The following ST7L variants were observed in gnomAD, a reference collection of about 807,000 sequenced individuals.
ST7L encodes suppression of tumorigenicity 7 like.
A neutral mutation model predicts 72.5 loss-of-function variants in ST7L; 57 were observed. That is an observed-to-expected ratio of 0.79 (90% CI 0.64 to 0.98). The LOEUF is 0.98. Among genes scored for constraint, ST7L ranks in the 50% least tolerant of loss-of-function variants. ST7L has a pLI of 0.00. For synonymous variants in ST7L, 221 were observed against 240.9 expected (o/e 0.92, Z 0.77); for missense variants, 576 against 672.2 (o/e 0.86, Z 1.58).
intron 13 of ST7L, among the ~76,000 whole-genome samples, chr1:112,547,215 C>T (rs549858334): frequency 7.1e-6 from 1 of 141,792 alleles, no homozygotes; most frequent in Non-Finnish European, 1.5e-5. Context: ...TTTTTTGAGA[C>T]AGAGTCTTGC....
intron 10 of ST7L, 78 bp downstream of exon 10, chr1:112,578,267 G>C: frequency 7.5e-7 from 1 of 1,342,102 alleles, no homozygotes; most frequent in South Asian, 1.2e-5. Flanking sequence ...AAACAGCATT[G>C]TTTAAAGTCA....
At chr1:112,614,277 T>A (rs1295093705) in intron 2 of ST7L, among the ~76,000 whole-genome samples, 1 of 151,944 alleles carries the variant, frequency 6.6e-6, no homozygotes, top group Non-Finnish European at 1.5e-5. Flanking sequence ...AGAGACAGGG[T>A]CTTGTTGTTG....
chr1:112,595,662 T>C (rs1278690644), intron 5 of ST7L, among the ~76,000 whole-genome samples: 1 of 152,106 alleles, frequency 6.6e-6, no homozygotes, highest in Non-Finnish European at 1.5e-5. Flanking sequence ...CATGGGATGC[T>C]CCTACCTTGG....
chr1:112,554,972 A>T (rs1323361673), intron 12 of ST7L, among the ~76,000 whole-genome samples: 3 of 152,214 alleles, frequency 2.0e-5, no homozygotes, highest in Admixed American at 2.0e-4. Flanking sequence ...GCCAAGGGCT[A>T]GAGGGAGGCA....
chr1:112,541,639 G>C (rs1656115622), intron 14 of ST7L, among the ~76,000 whole-genome samples: 2 of 152,084 alleles, frequency 1.3e-5, no homozygotes, highest in African/African-American at 2.4e-5. Context: ...TTACAAAATA[G>C]GGTATTTTTA....
At position 112,598,134 on chromosome 1, in the gene ST7L, C is replaced by T. The variant is rs756960157; in HGVS notation, c.507-48G>A. The T allele has an allele frequency of 6.6e-6, 9 of 1,364,382 alleles. No homozygotes were observed. The East Asian group carries it at 1.9e-4, about 29-fold the overall frequency. 84.5% of individuals were successfully genotyped at this position (1,364,382 alleles called of 1,614,324 possible). A position where few individuals can be genotyped will look rare whatever the true frequency, so the allele number is the denominator to read the frequency against. On this transcript the variant is annotated intron_variant, in intron 4 of 14. Transcript: ENST00000358039. ...ATTTAAATTGAACATGAGAGAGCAT[C>T]TATCTGCTATAACAGACACTACTTA...
chr1:112,525,223 G>T lies in ST7L; in HGVS notation c.*790C>A, dbSNP rs1233904605. The stretch of plus-strand genomic sequence containing the variant: ...TGTGGTTGTTTTTAACTCTTAACTG[G>T]GTTAGAAAACTGGAGAGCTTTGGAT... On this transcript the variant is annotated 3_prime_UTR_variant, in exon 15 of 15. Transcript: ENST00000358039. 1 of 152,214 alleles carries T rather than the reference G, an allele frequency of 6.6e-6. No homozygotes were observed. The highest frequency in any genetic ancestry group is 1.5e-5 in the Non-Finnish European group (1 of 68,054). The allele number at this position is 152,214 out of a possible 1,614,324, so 9.4% of individuals were successfully genotyped here. A position where few individuals can be genotyped will look rare whatever the true frequency, so the allele number is the denominator to read the frequency against.
At chr1:112,573,495 C>T (rs1662516338) in intron 11 of ST7L, among the ~76,000 whole-genome samples, 1 of 151,156 alleles carries the variant, frequency 6.6e-6, no homozygotes, top group Non-Finnish European at 1.5e-5. Context: ...AAAAATACAA[C>T]TTAACAAAAA....
rs33915951 is a variant in ST7L, at chr1:112,566,294, C to CTTT, written c.1246-10277_1246-10276insAAA. ...TTTTCTTTTATTTCTTTTTCTTCTT[C>CTTT]TTCTTTTTTTTTTTTTTTTTTGAGA... is the stretch of plus-strand genomic sequence containing the variant. On this transcript the variant is annotated intron_variant, in intron 11 of 14. Transcript: ENST00000358039. Among the ~76,000 whole-genome samples, 763 of 108,854 alleles carry CTTT rather than the reference C, an allele frequency of 7.0e-3. 23 individuals carry two copies. Among genetic ancestry groups the CTTT allele is most frequent in the African/African-American group, 0.011 (254 of 24,034 alleles). The allele number at this position is 108,854 out of a possible 152,430, so 71.4% of individuals were successfully genotyped here. A position where few individuals can be genotyped will look rare whatever the true frequency, so the allele number is the denominator to read the frequency against.
At chr1:112,553,499 A>C (rs946599096) in intron 12 of ST7L, among the ~76,000 whole-genome samples, 6 of 152,242 alleles carry the variant, frequency 3.9e-5, no homozygotes, top group African/African-American at 1.2e-4. Context: ...GAGTCCAAAC[A>C]ACTTAAAAAA....
intron 6 of ST7L, among the ~76,000 whole-genome samples, chr1:112,586,965 T>G (rs530845188): frequency 7.8e-4 from 119 of 152,308 alleles, no homozygotes; most frequent in African/African-American, 2.8e-3. Context: ...CAATCCCAAA[T>G]CTATTTCTGC....
chr1:112,538,814 A>G (rs1655622157), intron 14 of ST7L, among the ~76,000 whole-genome samples: 1 of 152,240 alleles, frequency 6.6e-6, no homozygotes, highest in Non-Finnish European at 1.5e-5. Context: ...GGTAGCAACA[A>G]CAGCTAACAC....
chr1:112,610,931 G>A lies in ST7L; in HGVS notation c.361C>T (p.Pro121Ser), dbSNP rs749777667. 4 of 1,614,184 alleles carry A rather than the reference G, an allele frequency of 2.5e-6. No individual in the cohort carries two copies. The highest frequency in any genetic ancestry group is 4.5e-5 in the East Asian group (2 of 44,882). Residue 121 changes from proline (P) to serine (S), a missense_variant, in exon 3 of 15, where the codon CCA (proline) becomes TCA (serine). Coordinates refer to ENST00000358039, the MANE Select transcript of ST7L (RefSeq NM_017744.5). Reference sequence around the variant, plus strand: ...CTGCTCTCTGTTCCTCCCATCAGTGGTTGCAAATGGCTTACAGATACTTGC... The same window carrying A: ...CTGCTCTCTGTTCCTCCCATCAGTGATTGCAAATGGCTTACAGATACTTGC... Reference protein sequence around the residue: ...IEQVSVSHLQPLMGGTESSIS... With the variant: ...IEQVSVSHLQSLMGGTESSIS...
At chr1:112,606,192 C>T (rs1258397857) in intron 3 of ST7L, among the ~76,000 whole-genome samples, 1 of 152,166 alleles carries the variant, frequency 6.6e-6, no homozygotes. Flanking sequence ...CAAGTTTTCT[C>T]ATGTATTTTA....
At chr1:112,577,109 GA>G in intron 10 of ST7L, 21 bp from the exon 11 acceptor site, 1 of 1,440,040 alleles carries the variant, frequency 6.9e-7, no homozygotes, top group South Asian at 1.4e-5. Flanking sequence ...ACCACAAAAT[GA>G]AAAAATAAAT....
intron 12 of ST7L, among the ~76,000 whole-genome samples, chr1:112,552,812 A>G (rs1658451134): frequency 1.3e-5 from 2 of 152,034 alleles, no homozygotes; most frequent in Non-Finnish European, 2.9e-5. Flanking sequence ...TACAGTATAA[A>G]TCATAGGTGG....
chr1:112,589,794 TCTC>T (rs1439869669), intron 6 of ST7L, among the ~76,000 whole-genome samples: 2 of 152,180 alleles, frequency 1.3e-5, no homozygotes, highest in Admixed American at 1.3e-4. Context: ...GCCTTAGCCT[TCTC>T]CTCCTACTTG....
At chr1:112,553,093 AAAAAC>A (rs1553242330) in intron 12 of ST7L, among the ~76,000 whole-genome samples, 1 of 152,120 alleles carries the variant, frequency 6.6e-6, no homozygotes, top group Non-Finnish European at 1.5e-5. Flanking sequence ...TAGACTTAAA[AAAAAC>A]AAAACAAAAC....
chr1:112,536,848 A>G (rs1655287357), intron 14 of ST7L, among the ~76,000 whole-genome samples: 1 of 152,198 alleles, frequency 6.6e-6, no homozygotes, highest in Admixed American at 6.5e-5. Context: ...GCACAGCTAC[A>G]ATATGCGTTC....
Sources: gnomAD v4.1 joint callset for allele counts (sites outside exome capture counted in the v4.1 genomes callset) on GRCh38, gnomAD v4.1.1 for gene constraint, MANE v1.5 for transcripts, NCBI Gene and HGNC (gene_info 2026-07-23, HGNC 2026-07-21) for gene names.